Variants in EIF3H observed in about 807,000 individuals in gnomAD.
EIF3H encodes the protein eIF-3-gamma.
A neutral mutation model predicts 44.2 loss-of-function variants in EIF3H; 26 were observed. That is an observed-to-expected ratio of 0.59 (90% CI 0.43 to 0.82). The LOEUF is 0.82. Ranked by LOEUF, EIF3H falls within the 40% of genes least tolerant of loss-of-function variation. The probability of loss-of-function intolerance (pLI) is 0.00; values close to 1 mark genes in which losing one functional copy is unlikely to be tolerated. For missense variants in EIF3H, 359 were observed against 432.8 expected (o/e 0.83, Z 1.51); for synonymous variants, 166 against 151.9 (o/e 1.09, Z -0.68).
At chr8:116,657,567 T>C (rs984155007) in intron 3 of EIF3H, 10 of 455,106 alleles carry the variant, frequency 2.2e-5, no homozygotes, top group Admixed American at 4.0e-5. Flanking sequence ...AAAAGAGTTA[T>C]TTTCAAATTC....
At position 116,658,886 on chromosome 8, in the gene EIF3H, G is replaced by A. The variant is rs754080099; in HGVS notation, c.384C>T (p.Phe128=). ...GWYQSTYYGS[F]VTRALLDSQF... Reference sequence around the variant, plus strand: ...GAGAGTCCAGGAGTGCCCGGGTAACGAATGAGCCATAGTATGTGGACTGAT... The same window carrying A: ...GAGAGTCCAGGAGTGCCCGGGTAACAAATGAGCCATAGTATGTGGACTGAT... The change falls in exon 3 of 8, where the codon TTC becomes TTT. Residue 128 remains phenylalanine (F), a synonymous_variant. Transcript: ENST00000521861. 6.2e-6 allele frequency: 10 copies of A among 1,613,922 alleles called. No individual in the cohort carries two copies. The South Asian group carries it at 7.7e-5, about 12-fold the overall frequency.
intron 2 of EIF3H, among the ~76,000 whole-genome samples, chr8:116,674,361 G>C (rs1209367211): frequency 6.6e-6 from 1 of 151,590 alleles, no homozygotes; most frequent in African/African-American, 2.4e-5. Flanking sequence ...AGCAGATAAA[G>C]CTGTTCCCAG....
In EIF3H at chr8:116,709,743, C is replaced by A. The variant is rs572147916; in HGVS notation, c.289+16273G>T. On this transcript the variant is annotated intron_variant, in intron 2 of 7. Transcript: ENST00000521861. ...TGTTTCCAAAAAGACTCCATTTAGGCAAAGTAAAAATGCTAGGATTATTAA... is the reference window on the plus strand; with the variant it reads ...TGTTTCCAAAAAGACTCCATTTAGGAAAAGTAAAAATGCTAGGATTATTAA... Among the ~76,000 whole-genome samples the A allele has an allele frequency of 2.6e-5, 4 of 152,170 alleles. No individual in the cohort carries two copies. In the South Asian group the frequency reaches 8.3e-4, roughly 32 times the overall value.
intron 2 of EIF3H, among the ~76,000 whole-genome samples, chr8:116,694,378 T>C (rs1243670728): frequency 6.6e-6 from 1 of 152,370 alleles, no homozygotes; most frequent in East Asian, 1.9e-4. Context: ...ATTTTACACA[T>C]GTAAGTGCCA....
At chr8:116,725,823 C>T (rs1054910645) in intron 2 of EIF3H, among the ~76,000 whole-genome samples, 193 bp downstream of exon 2, 1 of 151,996 alleles carries the variant, frequency 6.6e-6, no homozygotes, top group African/African-American at 2.4e-5. Flanking sequence ...AAGTAAAGGC[C>T]AAACTAATGA....
At chr8:116,680,833 T>A (rs145916066) in intron 2 of EIF3H, among the ~76,000 whole-genome samples, 1,882 of 59,512 alleles carry the variant, frequency 0.032, 36 homozygotes, top group African/African-American at 0.094. Flanking sequence ...TAAAAAAAAA[T>A]AATAATAAAT....
chr8:116,671,659 G>A (rs1266068461), intron 2 of EIF3H, among the ~76,000 whole-genome samples: 1 of 152,232 alleles, frequency 6.6e-6, no homozygotes, highest in Non-Finnish European at 1.5e-5. Context: ...AGCTGACATA[G>A]TAGTGTAGAG....
rs77140124 is a variant in EIF3H, at chr8:116,719,277, C to T, written c.289+6739G>A. ...GAATAAAAGACAGTTACTAACTTTG[C>T]ATTTTTTCAGAGCTACAGTTAGAAT... On this transcript the variant is annotated intron_variant, in intron 2 of 7. Transcript: ENST00000521861. 1.6e-3 allele frequency among the ~76,000 whole-genome samples: 246 copies of T among 152,308 alleles called. 2 individuals carry two copies. The highest frequency in any genetic ancestry group is 7.1e-3 in the East Asian group (37 of 5,188).
At chr8:116,721,115 G>A (rs999729460) in intron 2 of EIF3H, among the ~76,000 whole-genome samples, 1 of 152,156 alleles carries the variant, frequency 6.6e-6, no homozygotes, top group Non-Finnish European at 1.5e-5. Flanking sequence ...AGGCCTAGAG[G>A]CCTAGGAGGA....
intron 2 of EIF3H, among the ~76,000 whole-genome samples, chr8:116,685,332 T>C (rs1395788825): frequency 6.6e-6 from 1 of 152,156 alleles, no homozygotes; most frequent in African/African-American, 2.4e-5. Flanking sequence ...AGTAAAAGCA[T>C]AAGAAAGAAC....
At chr8:116,713,003 T>C (rs889594190) in intron 2 of EIF3H, among the ~76,000 whole-genome samples, 7 of 152,170 alleles carry the variant, frequency 4.6e-5, no homozygotes, top group African/African-American at 1.2e-4. Flanking sequence ...ACTGTAATTG[T>C]GACTTTTTGA....
At chr8:116,732,938 A>G (rs1217103006) in intron 1 of EIF3H, among the ~76,000 whole-genome samples, 1 of 152,164 alleles carries the variant, frequency 6.6e-6, no homozygotes, top group Non-Finnish European at 1.5e-5. Flanking sequence ...TTTTGACACT[A>G]TCTTCCTGGA....
At chr8:116,648,746 A>C in intron 6 of EIF3H, 60 bp downstream of exon 6, 1 of 1,499,012 alleles carries the variant, frequency 6.7e-7, no homozygotes, top group Non-Finnish European at 8.9e-7. Context: ...TTTGAACATG[A>C]CTCTTGAAAT....
Position 116,742,443 on chromosome 8 carries a change from C to T in EIF3H, c.132+13223G>A, listed in dbSNP as rs372706524. Among the ~76,000 whole-genome samples, 46 of 152,234 alleles carry T rather than the reference C, an allele frequency of 3.0e-4. No homozygotes were observed. In the East Asian group the frequency reaches 6.2e-3, roughly 20 times the overall value. ...TTTATAAGTTTCTGCTTTACCAATT[C>T]AATATATATAACCAACCTGCAAATT... On this transcript the variant is annotated intron_variant, in intron 1 of 7. Coordinates refer to ENST00000521861, the MANE Select transcript of EIF3H (RefSeq NM_003756.3).
At chr8:116,725,158 A>G (rs774566301) in intron 2 of EIF3H, among the ~76,000 whole-genome samples, 3 of 152,244 alleles carry the variant, frequency 2.0e-5, no homozygotes, top group Non-Finnish European at 4.4e-5. Flanking sequence ...TTAGGACATT[A>G]TGCTAAATAA....
chr8:116,725,692 C>T lies in EIF3H; in HGVS notation c.289+324G>A, dbSNP rs529796438. 3.9e-5 allele frequency among the ~76,000 whole-genome samples: 6 copies of T among 152,316 alleles called. No homozygotes were observed. In the South Asian group the frequency reaches 1.2e-3, roughly 32 times the overall value. On this transcript the variant is annotated intron_variant, in intron 2 of 7. Coordinates refer to ENST00000521861, the MANE Select transcript of EIF3H (RefSeq NM_003756.3). ...AGGATAGAAGGGAATGGATAACAGACACATAAGGATGATCTTTGTCCCTCA... is the reference window on the plus strand; with the variant it reads ...AGGATAGAAGGGAATGGATAACAGATACATAAGGATGATCTTTGTCCCTCA...
intron 2 of EIF3H, among the ~76,000 whole-genome samples, chr8:116,702,279 G>C (rs555321114): frequency 1.3e-5 from 2 of 152,304 alleles, no homozygotes; most frequent in African/African-American, 4.8e-5. Flanking sequence ...CATAACGGGA[G>C]AAGAAATGGA....
chr8:116,673,269 A>G (rs73701455), intron 2 of EIF3H, among the ~76,000 whole-genome samples: 4,319 of 152,242 alleles, frequency 0.028, 196 homozygotes, highest in African/African-American at 0.099. Flanking sequence ...GAGACTCCAA[A>G]ATTAAGACTC....
At chr8:116,674,701 T>A (rs1813817232) in intron 2 of EIF3H, among the ~76,000 whole-genome samples, 1 of 152,204 alleles carries the variant, frequency 6.6e-6, no homozygotes, top group African/African-American at 2.4e-5. Flanking sequence ...TTGACCAGTA[T>A]TATCCAACAG....
Sources: gnomAD v4.1 joint callset for allele counts (sites outside exome capture counted in the v4.1 genomes callset) on GRCh38, gnomAD v4.1.1 for gene constraint, MANE v1.5 for transcripts, NCBI Gene and HGNC (gene_info 2026-07-23, HGNC 2026-07-21) for gene names.